The following SYT14 variants were observed in gnomAD, a reference collection of about 807,000 sequenced individuals.
SYT14 encodes the protein synaptotagmin-14.
In SYT14, 32 loss-of-function variants were observed where a neutral mutation model predicts 74.2. The observed-to-expected ratio is 0.43, with a 90% CI of 0.33 to 0.58. The LOEUF (loss-of-function observed/expected upper bound fraction) is 0.58. Ranked by LOEUF, SYT14 falls within the 20% of genes least tolerant of loss-of-function variation. The probability of loss-of-function intolerance (pLI) is 0.05; values close to 1 mark genes in which losing one functional copy is unlikely to be tolerated. For synonymous variants in SYT14, 298 were observed against 337.7 expected, an observed-to-expected ratio of 0.88 and a Z score of 1.29; for missense variants, 791 against 981.8, an observed-to-expected ratio of 0.81 and a Z score of 2.60.
At chr1:210,016,598 G>A in exon 4 of SYT14, 1 of 1,231,830 alleles carries the variant, frequency 8.1e-7, no homozygotes, top group Non-Finnish European at 1.0e-6. Context: ...AGAAATGAAA[G>A]GAAATCAGAA....
chr1:210,101,662 G>A (rs1400300595), intron 7 of SYT14, among the ~76,000 whole-genome samples: 1 of 150,790 alleles, frequency 6.6e-6, no homozygotes. Context: ...TTAAAAGAGG[G>A]GAGAAAAAAG....
At chr1:209,960,093 G>C (rs2079055408) in intron 2 of SYT14, among the ~76,000 whole-genome samples, 1 of 152,126 alleles carries the variant, frequency 6.6e-6, no homozygotes, top group Non-Finnish European at 1.5e-5. Context: ...TGAGACAGGT[G>C]AATGTATATA....
intron 5 of SYT14, among the ~76,000 whole-genome samples, chr1:210,074,548 T>G (rs2081454624): frequency 6.6e-6 from 1 of 152,230 alleles, no homozygotes; most frequent in South Asian, 2.1e-4. Context: ...AGAGGTATAC[T>G]TCACTCTGTA....
intron 7 of SYT14, among the ~76,000 whole-genome samples, chr1:210,131,121 G>A (rs915200952): frequency 1.3e-5 from 2 of 152,162 alleles, no homozygotes; most frequent in Non-Finnish European, 2.9e-5. Context: ...TTCATATGAA[G>A]TGGTTAGCAC....
chr1:210,040,155 G>A (rs889744662), intron 5 of SYT14, among the ~76,000 whole-genome samples: 2 of 152,180 alleles, frequency 1.3e-5, no homozygotes, highest in Admixed American at 6.6e-5. Flanking sequence ...TTAAGAAAAT[G>A]TGGCACATAT....
chr1:210,141,624 A>G lies in SYT14; in HGVS notation c.2035-14097A>G, dbSNP rs554331993. ...GACTTTCTTGGTTTTTGTAAAGTCT[A>G]TATTATTGTCATGTGCATCTCAGTT... On this transcript the variant is annotated intron_variant, in intron 7 of 9. Transcript: ENST00000637265. 9.2e-5 allele frequency among the ~76,000 whole-genome samples: 14 copies of G among 152,180 alleles called. 2 individuals carry two copies. In the South Asian group the frequency reaches 2.3e-3, roughly 25 times the overall value.
chr1:210,149,253 C>T (rs1303294495), intron 7 of SYT14, among the ~76,000 whole-genome samples: 1 of 137,486 alleles, frequency 7.3e-6, no homozygotes, highest in Non-Finnish European at 1.5e-5. Flanking sequence ...GGCATGATGT[C>T]GGCTCACTGC....
chr1:209,964,176 C>T (rs2079118865), intron 2 of SYT14, among the ~76,000 whole-genome samples: 1 of 152,108 alleles, frequency 6.6e-6, no homozygotes, highest in African/African-American at 2.4e-5. Flanking sequence ...AGTGAGTTTT[C>T]ACGAGATCTA....
At chr1:210,056,209 T>C (rs1572223975) in intron 5 of SYT14, among the ~76,000 whole-genome samples, 1 of 152,260 alleles carries the variant, frequency 6.6e-6, no homozygotes, top group East Asian at 1.9e-4. Context: ...TTTATCCTTA[T>C]GGAGCTGTTG....
intron 2 of SYT14, among the ~76,000 whole-genome samples, chr1:209,968,311 A>G (rs1176605077): frequency 2.0e-5 from 3 of 151,856 alleles, no homozygotes; most frequent in Non-Finnish European, 4.4e-5. Flanking sequence ...TCTACAGTAT[A>G]AGGGTTTTAA....
chr1:210,157,652 G>C (rs1241395293), intron 8 of SYT14, among the ~76,000 whole-genome samples: 1 of 151,964 alleles, frequency 6.6e-6, no homozygotes. Flanking sequence ...TGAGGCAAGA[G>C]AATCACTTGA....
chr1:210,125,720 C>G (rs1022112657), intron 7 of SYT14, among the ~76,000 whole-genome samples: 1 of 152,112 alleles, frequency 6.6e-6, no homozygotes, highest in East Asian at 1.9e-4. Flanking sequence ...TTCACTGATT[C>G]CTGACTGATG....
intron 7 of SYT14, among the ~76,000 whole-genome samples, chr1:210,121,780 C>A (rs1004609746): frequency 6.9e-6 from 1 of 145,750 alleles, no homozygotes; most frequent in Non-Finnish European, 1.5e-5. Context: ...GGCGACAGAG[C>A]GAGACCCCAT....
exon 4 of SYT14, chr1:210,015,816 T>C: frequency 1.8e-6 from 2 of 1,137,890 alleles, no homozygotes; most frequent in East Asian, 6.7e-5. Flanking sequence ...GAAGAATCTT[T>C]ACTTCAACAT....
intron 4 of SYT14, among the ~76,000 whole-genome samples, chr1:210,018,379 C>T (rs553337467): frequency 2.6e-5 from 4 of 152,196 alleles, no homozygotes; most frequent in South Asian, 2.1e-4. Context: ...GTGATCCACC[C>T]GCCTCGGCCT....
intron 5 of SYT14, among the ~76,000 whole-genome samples, chr1:210,088,345 C>G (rs1421798811): frequency 6.6e-6 from 1 of 152,002 alleles, no homozygotes; most frequent in African/African-American, 2.4e-5. Context: ...GCTATCCCTC[C>G]CCTAGCCTCC....
exon 7 of SYT14, chr1:210,100,016 T>C (rs1311650538): frequency 1.2e-6 from 2 of 1,613,872 alleles, no homozygotes; most frequent in East Asian, 4.5e-5. Flanking sequence ...TCTTAGGATA[T>C]GTCAGCTCAA....
intron 2 of SYT14, among the ~76,000 whole-genome samples, chr1:209,980,884 G>A (rs1394675570): frequency 6.6e-6 from 1 of 152,202 alleles, no homozygotes; most frequent in African/African-American, 2.4e-5. Flanking sequence ...GTAGCATGCT[G>A]CCTGCAACTT....
At chr1:209,993,643 C>T (rs1460728360) in intron 2 of SYT14, among the ~76,000 whole-genome samples, 2 of 152,166 alleles carry the variant, frequency 1.3e-5, no homozygotes, top group African/African-American at 2.4e-5. Flanking sequence ...GTTGCAGCCT[C>T]TGCCTGGGGG....
Sources: allele counts gnomAD v4.1 joint callset (sites outside exome capture counted in the v4.1 genomes callset), GRCh38; gene constraint gnomAD v4.1.1; transcripts MANE v1.5; gene names NCBI Gene and HGNC (gene_info 2026-07-23, HGNC 2026-07-21).